The following ZC3H7A variants were observed in gnomAD, a reference collection of about 807,000 sequenced individuals.
ZC3H7A encodes zinc finger CCCH-type containing 7A, also known as zinc finger CCCH domain-containing protein 7A.
In ZC3H7A, 44 loss-of-function variants were observed where a neutral mutation model predicts 125.5. The observed-to-expected ratio is 0.35, with a 90% CI of 0.28 to 0.45. ZC3H7A has a LOEUF of 0.45. ZC3H7A is among the 20% of genes least tolerant of loss of function. ZC3H7A has a pLI of 1.00. For synonymous variants in ZC3H7A, 399 were observed against 391.2 expected (o/e 1.02, Z -0.23); for missense variants, 977 against 1,170.7 (o/e 0.83, Z 2.41).
chr16:11,795,698 A>G (rs899272049), intron 1 of ZC3H7A, among the ~76,000 whole-genome samples: 2 of 152,102 alleles, frequency 1.3e-5, no homozygotes, highest in African/African-American at 4.8e-5. Context: ...CGGCCTCCCA[A>G]AGTGCTGGGA....
rs545185358 is a variant in ZC3H7A at position 11,754,327 on chromosome 16, T to C, written c.2563-1495A>G. Among the ~76,000 whole-genome samples the C allele has an allele frequency of 8.2e-4, 101 of 122,784 alleles. 1 individual carries two copies. Among genetic ancestry groups the C allele is most frequent in the Non-Finnish European group, 1.4e-3 (82 of 59,776 alleles). The allele number at this position is 122,784 out of a possible 152,430, so 80.6% of individuals were successfully genotyped here. Reference sequence around the variant, plus strand: ...AAAAAAAGGAAGAAAAAAAAATATATATATATATATAATAAAATAAACACC... The same window carrying C: ...AAAAAAAGGAAGAAAAAAAAATATACATATATATATAATAAAATAAACACC... On this transcript the variant is annotated intron_variant, in intron 21 of 22. Transcript: ENST00000355758.
intron 17 of ZC3H7A, 21 bp from the exon 18 acceptor site, chr16:11,762,064 G>T: frequency 6.4e-7 from 1 of 1,551,682 alleles, no homozygotes; most frequent in South Asian, 1.2e-5. Flanking sequence ...TAAAAGATTC[G>T]TTTTAATTTT....
intron 1 of ZC3H7A, among the ~76,000 whole-genome samples, chr16:11,794,007 C>T (rs768862731): frequency 6.6e-6 from 1 of 152,158 alleles, no homozygotes; most frequent in Non-Finnish European, 1.5e-5. Flanking sequence ...GAAGAGGCTC[C>T]GCCTGCCAAG....
intron 1 of ZC3H7A, among the ~76,000 whole-genome samples, chr16:11,786,223 G>A (rs2053254962): frequency 6.6e-6 from 1 of 152,134 alleles, no homozygotes; most frequent in Non-Finnish European, 1.5e-5. Flanking sequence ...AGCTAAAACA[G>A]GGCAATTTAC....
At chr16:11,782,955 G>GT (rs2053198342) in intron 1 of ZC3H7A, 1 of 152,574 alleles carries the variant, frequency 6.6e-6, no homozygotes, top group Non-Finnish European at 1.5e-5. Flanking sequence ...TGCAGACTTT[G>GT]TATACCCCTC....
At chr16:11,788,776 G>A (rs868023622) in intron 1 of ZC3H7A, among the ~76,000 whole-genome samples, 2 of 151,948 alleles carry the variant, frequency 1.3e-5, no homozygotes, top group Admixed American at 6.6e-5. Context: ...AGCACACCCA[G>A]CTAATTTTTG....
intron 9 of ZC3H7A, among the ~76,000 whole-genome samples, chr16:11,772,078 C>G (rs2141191802): frequency 6.6e-6 from 1 of 151,966 alleles, no homozygotes; most frequent in East Asian, 2.0e-4. Context: ...CACCTGTAAT[C>G]TCAGCTACTC....
rs1176169317 is a variant in ZC3H7A, at chr16:11,765,321, C to T, written c.1719+168G>A. Among the ~76,000 whole-genome samples, 1 of 152,038 alleles carries T rather than the reference C, an allele frequency of 6.6e-6. No homozygotes were observed. Among genetic ancestry groups the T allele is most frequent in the Non-Finnish European group, 1.5e-5 (1 of 68,010 alleles). ...CATTTACTGAATGAATGTTTTATCA[C>T]ATGGGAGGACCAGAGGAATATTTTA... is the stretch of plus-strand genomic sequence containing the variant. On this transcript the variant is annotated intron_variant, in intron 14 of 22. Transcript: ENST00000355758. This position sits in a 1 kb window ranked among gnomAD's most constrained non-coding sequence, Gnocchi z 4.8.
At chr16:11,779,637 G>A (rs1472218348) in intron 3 of ZC3H7A, among the ~76,000 whole-genome samples, 1 of 152,132 alleles carries the variant, frequency 6.6e-6, no homozygotes, top group Non-Finnish European at 1.5e-5. Flanking sequence ...TTCTGTGCCC[G>A]CTAGAGAAAC....
At chr16:11,789,158 G>C (rs962894655) in intron 1 of ZC3H7A, among the ~76,000 whole-genome samples, 1 of 152,210 alleles carries the variant, frequency 6.6e-6, no homozygotes, top group Admixed American at 6.5e-5. Context: ...TGAAGGAAGA[G>C]GGGGTGAAGG....
At chr16:11,791,878 A>AATT (rs1275770094) in intron 1 of ZC3H7A, among the ~76,000 whole-genome samples, 1 of 152,174 alleles carries the variant, frequency 6.6e-6, no homozygotes, top group Non-Finnish European at 1.5e-5. Context: ...TCTTCTCCTA[A>AATT]ATAAAAAAGA....
intron 21 of ZC3H7A, among the ~76,000 whole-genome samples, chr16:11,754,655 G>T (rs956286965): frequency 6.6e-6 from 1 of 152,122 alleles, no homozygotes; most frequent in African/African-American, 2.4e-5. Context: ...ACTTTGGGAG[G>T]CTGAGGCGGG....
chr16:11,783,685 G>C (rs1193577515), intron 1 of ZC3H7A, among the ~76,000 whole-genome samples: 2 of 152,158 alleles, frequency 1.3e-5, no homozygotes, highest in African/African-American at 4.8e-5. Context: ...TTTGGACCCA[G>C]GTGACAGGAA....
At chr16:11,781,388 TGCAGAGCTTTCAA>T in intron 3 of ZC3H7A, 24 bp downstream of exon 3, 1 of 1,589,466 alleles carries the variant, frequency 6.3e-7, no homozygotes, top group Non-Finnish European at 8.6e-7. Flanking sequence ...ACAAGCCACT[TGCAGAGCTTTCAA>T]GCAGACCTTC....
At chr16:11,762,547 C>A in intron 17 of ZC3H7A, 124 bp downstream of exon 17, 1 of 875,242 alleles carries the variant, frequency 1.1e-6, no homozygotes, top group Non-Finnish European at 1.8e-6. Flanking sequence ...AAGAATGACT[C>A]ACCTGAATGA....
intron 4 of ZC3H7A, among the ~76,000 whole-genome samples, chr16:11,777,668 C>T (rs991835685): frequency 6.6e-6 from 1 of 152,110 alleles, no homozygotes; most frequent in Non-Finnish European, 1.5e-5. Flanking sequence ...ATACAGTAAG[C>T]CGAGATTGTG....
rs150579733 is a variant in ZC3H7A, at chr16:11,790,079, CAAAAAAAA to C, written c.-35+7037_-35+7044del. ...TGAACCACAGAGTGAGACTCCATCT[CAAAAAAAA>C]AAAAAAAAAAAAAAAGAATTTCTAA... On this transcript the variant is annotated intron_variant, in intron 1 of 22. Coordinates refer to ENST00000355758, the MANE Select transcript of ZC3H7A (RefSeq NM_014153.4). Among the ~76,000 whole-genome samples, 129 of 73,548 alleles carry C rather than the reference CAAAAAAAA, an allele frequency of 1.8e-3. 3 individuals carry two copies. The highest frequency in any genetic ancestry group is 5.5e-3 in the African/African-American group (111 of 20,052). The allele number at this position is 73,548 out of a possible 152,430, so 48.3% of individuals were successfully genotyped here.
intron 1 of ZC3H7A, among the ~76,000 whole-genome samples, chr16:11,789,672 T>G (rs901926519): frequency 6.6e-6 from 1 of 152,188 alleles, no homozygotes; most frequent in Admixed American, 6.5e-5. Flanking sequence ...CATGATATGG[T>G]TGTACCATAA....
intron 21 of ZC3H7A, 89 bp from the exon 22 acceptor site, chr16:11,752,921 A>G: frequency 6.6e-7 from 1 of 1,508,596 alleles, no homozygotes; most frequent in Non-Finnish European, 8.9e-7. Flanking sequence ...TGGGAGAGCC[A>G]GGCAAGACAT....
Sources: gnomAD v4.1 joint callset for allele counts (sites outside exome capture counted in the v4.1 genomes callset) on GRCh38, gnomAD v4.1.1 for gene constraint, Gnocchi (gnomAD v3.1) non-coding constraint, MANE v1.5 for transcripts, NCBI Gene and HGNC (gene_info 2026-07-23, HGNC 2026-07-21) for gene names.